Variants in TMEM63A observed in about 807,000 individuals in gnomAD.
TMEM63A encodes mechanosensitive cation channel TMEM63A.
A neutral mutation model predicts 100.6 loss-of-function variants in TMEM63A; 76 were observed. That is an observed-to-expected ratio of 0.76 (90% CI 0.63 to 0.91). The LOEUF is 0.91. Ranked by LOEUF, TMEM63A falls within the 40% of genes least tolerant of loss-of-function variation. TMEM63A has a pLI of 0.00. For synonymous variants in TMEM63A, 401 were observed against 401.1 expected (o/e 1.00, Z 0.00); for missense variants, 876 against 1,008.8 (o/e 0.87, Z 1.78).
At chr1:225,847,371 G>A in intron 23 of TMEM63A, 158 bp from the exon 24 acceptor site, 2 of 823,380 alleles carry the variant, frequency 2.4e-6, no homozygotes, top group Non-Finnish European at 3.7e-6. Context: ...CCGAAAATAT[G>A]ACACCTGCAG....
Position 225,845,689 on chromosome 1 carries a change from C to CAGGG in TMEM63A, c.*1246_*1249dup. On this transcript the variant is annotated 3_prime_UTR_variant, in exon 25 of 25. Transcript: ENST00000366835. ...GCCTGCTGGGGATGAGGCCACTGGC[C>CAGGG]AGGGCTATGCTGCACCAGACCAATG... 1 of 426,838 alleles carries CAGGG rather than the reference C, an allele frequency of 2.3e-6. No homozygotes were observed. Among genetic ancestry groups the CAGGG allele is most frequent in the Admixed American group, 3.6e-5 (1 of 27,764 alleles). 26.4% of individuals were successfully genotyped at this position (426,838 alleles called of 1,614,324 possible).
chr1:225,854,129 C>T (rs575317668), intron 18 of TMEM63A, among the ~76,000 whole-genome samples: 8 of 115,110 alleles, frequency 6.9e-5, no homozygotes, highest in Admixed American at 1.9e-4. Flanking sequence ...GCCTTTCTAA[C>T]GAGGTGATAT....
chr1:225,857,107 G>A, intron 15 of TMEM63A, 90 bp from the exon 16 acceptor site: 2 of 1,108,102 alleles, frequency 1.8e-6, no homozygotes, highest in Non-Finnish European at 1.2e-6. Context: ...TCGCTCAGTG[G>A]ACTCCCAGGG....
downstream of TMEM63A, among the ~76,000 whole-genome samples, chr1:225,841,856 A>G (rs2854452): frequency 0.59 from 89,155 of 151,310 alleles, 27,093 homozygotes; most frequent in African/African-American, 0.73. Context: ...CACCTTTCTC[A>G]CCCTCCCAAA....
intron 8 of TMEM63A, 150 bp from the exon 9 acceptor site, chr1:225,866,832 G>A: frequency 1.4e-6 from 1 of 732,974 alleles, no homozygotes; most frequent in Non-Finnish European, 2.3e-6. Flanking sequence ...TGTGTGGCCA[G>A]CACCCCTCAG....
Position 225,874,185 on chromosome 1 carries a change from T to C in TMEM63A, c.266+103A>G. 2.6e-6 allele frequency: 3 copies of C among 1,155,602 alleles called. No individual in the cohort carries two copies. The East Asian group carries it at 7.2e-5, about 28-fold the overall frequency. 71.6% of individuals were successfully genotyped at this position (1,155,602 alleles called of 1,614,324 possible). A position where few individuals can be genotyped will look rare whatever the true frequency, so the allele number is the denominator to read the frequency against. ...ATTCCAGGGACACACACACACACAC[T>C]ATACACACATATATGCACACACGCA... is the stretch of plus-strand genomic sequence containing the variant. On this transcript the variant is annotated intron_variant, in intron 4 of 24. Coordinates refer to ENST00000366835, the MANE Select transcript of TMEM63A (RefSeq NM_014698.3).
At chr1:225,868,131 T>C in intron 6 of TMEM63A, 101 bp from the exon 7 acceptor site, 1 of 1,421,146 alleles carries the variant, frequency 7.0e-7, no homozygotes, top group Non-Finnish European at 9.6e-7. Context: ...ATGAGATGGT[T>C]CGATCGCTAT....
intron 10 of TMEM63A, chr1:225,864,337 T>G (rs1670094019): frequency 6.6e-6 from 1 of 152,230 alleles, no homozygotes; most frequent in Non-Finnish European, 1.5e-5. Context: ...ATCATGAAAT[T>G]AAACAGTAGG....
At position 225,867,016 on chromosome 1, in the gene TMEM63A, C is replaced by T. The variant is rs897176644; in HGVS notation, c.566+96G>A. The stretch of plus-strand genomic sequence containing the variant: ...CAAGGGGCCTTCAGATACCAGCCGG[C>T]CCCCTTTGGAGTACCTCTGGCCTGC... On this transcript the variant is annotated intron_variant, in intron 8 of 24. Transcript: ENST00000366835. This position sits in a 1 kb window ranked among gnomAD's most constrained non-coding sequence, Gnocchi z 4.6. 143 of 1,300,624 alleles carry T rather than the reference C, an allele frequency of 1.1e-4. 1 individual carries two copies. In the South Asian group the frequency reaches 1.4e-3, roughly 13 times the overall value. 80.6% of individuals were successfully genotyped at this position (1,300,624 alleles called of 1,614,324 possible). A position where few individuals can be genotyped will look rare whatever the true frequency, so the allele number is the denominator to read the frequency against.
intron 6 of TMEM63A, among the ~76,000 whole-genome samples, chr1:225,868,386 A>G (rs1670325792): frequency 6.6e-6 from 1 of 152,028 alleles, no homozygotes; most frequent in African/African-American, 2.4e-5. Flanking sequence ...CATTCAGAAT[A>G]AAGTTAGGGC....
At chr1:225,861,211 G>A (rs1669917333) in intron 13 of TMEM63A, 6 of 418,306 alleles carry the variant, frequency 1.4e-5, no homozygotes, top group Non-Finnish European at 2.5e-5. Context: ...GCAACAAAGG[G>A]AGTACGATTC....
Position 225,865,620 on chromosome 1 carries a change from T to G in TMEM63A, c.746+277A>C. 1 of 385,874 alleles carries G rather than the reference T, an allele frequency of 2.6e-6. No individual in the cohort carries two copies. Among genetic ancestry groups the G allele is most frequent in the Non-Finnish European group, 4.9e-6 (1 of 205,662 alleles). The allele number at this position is 385,874 out of a possible 1,614,324, so 23.9% of individuals were successfully genotyped here. A position where few individuals can be genotyped will look rare whatever the true frequency, so the allele number is the denominator to read the frequency against. On this transcript the variant is annotated intron_variant, in intron 10 of 24. Coordinates refer to ENST00000366835, the MANE Select transcript of TMEM63A (RefSeq NM_014698.3). The surrounding 1 kb of genome is among the most constrained non-coding windows in gnomAD (Gnocchi z 4.6). ...TTTCCCCCGTATGCTCTCAAGACGTTTATTCGCACCTACACCCTGGTCTGT... is the reference window on the plus strand; with the variant it reads ...TTTCCCCCGTATGCTCTCAAGACGTGTATTCGCACCTACACCCTGGTCTGT...
rs777415675 is a variant in TMEM63A, at chr1:225,856,765, G to GCAGT, written c.1485-31_1485-28dup. The GCAGT allele has an allele frequency of 1.0e-5, 16 of 1,607,292 alleles. No homozygotes were observed. The African/African-American group carries it at 2.1e-4, about 22-fold the overall frequency. ...TGCAGGAAGTCAAAGGTGAGCACTC[G>GCAGT]CAGTCCCCCAAATGCTCTATGTGCC... On this transcript the variant is annotated intron_variant, in intron 16 of 24. Transcript: ENST00000366835.
chr1:225,859,220 G>A lies in TMEM63A; in HGVS notation c.1353C>T (p.Val451=), dbSNP rs989815455. ...CATTCAGCGCATGGATGGGTTTGGT[G>A]ACATTAAACTTGTCCATGGTGGACA... ...IILSTMDKFN[V]TKPIHALNNP... is the part of the protein sequence containing the mutation. The change falls in exon 15 of 25, where the codon GTC becomes GTT. Residue 451 remains valine, a synonymous_variant. Coordinates refer to ENST00000366835, the MANE Select transcript of TMEM63A (RefSeq NM_014698.3). 1 of 1,614,108 alleles carries A rather than the reference G, an allele frequency of 6.2e-7. No individual in the cohort carries two copies. The highest frequency in any genetic ancestry group is 1.3e-5 in the African/African-American group (1 of 74,992).
chr1:225,871,008 T>C (rs1670481562), intron 6 of TMEM63A, 68 bp downstream of exon 6: 5 of 1,552,334 alleles, frequency 3.2e-6, no homozygotes, highest in Admixed American at 1.7e-5. Context: ...CTCTTGCCTC[T>C]TGACTGGCCA....
At chr1:225,868,249 T>C (rs528710055) in intron 6 of TMEM63A, among the ~76,000 whole-genome samples, 2 of 152,300 alleles carry the variant, frequency 1.3e-5, no homozygotes, top group South Asian at 4.1e-4. Context: ...CCCTGTACCA[T>C]ACTCGAGGTA....
intron 20 of TMEM63A, among the ~76,000 whole-genome samples, chr1:225,850,670 G>A (rs151195012): frequency 3.2e-4 from 49 of 152,314 alleles, no homozygotes; most frequent in Non-Finnish European, 6.8e-4. Context: ...TCAGGCTGCA[G>A]AGCCCCTTAG....
Position 225,865,942 on chromosome 1 carries a change from C to T in TMEM63A, c.701G>A (p.Gly234Glu). The change falls in exon 10 of 25, where the codon GGA becomes GAA. Residue 234 changes from glycine to glutamate, a missense_variant. Transcript: ENST00000366835. The surrounding 1 kb of genome is among the most constrained non-coding windows in gnomAD (Gnocchi z 4.6). Reference protein sequence around the residue: ...NLVRRTLFITGLPRDARKETV... With the variant: ...NLVRRTLFITELPRDARKETV... ...CTCCTTCCTGGCATCTCTGGGGAGT[C>T]CTGTGATGAACAGGGTCCGCCTCAC... 1 of 1,614,020 alleles carries T rather than the reference C, an allele frequency of 6.2e-7. No individual in the cohort carries two copies. The highest frequency in any genetic ancestry group is 8.5e-7 in the Non-Finnish European group (1 of 1,179,956).
Position 225,867,980 on chromosome 1 carries a change from G to C in TMEM63A, c.422C>G (p.Ser141Cys), listed in dbSNP as rs777379225. The C allele has an allele frequency of 3.1e-6, 5 of 1,614,064 alleles. No homozygotes were observed. The highest frequency in any genetic ancestry group is 1.7e-5 in the Admixed American group (1 of 60,002). ...WCGEDAIHYLSFQRHIIFLLV... is the reference protein window; with the variant it reads ...WCGEDAIHYLCFQRHIIFLLV... ...CAGGAAGATGATGTGCCTCTGGAAG[G>C]ACAGGTAGTGGATGGCGTCCTCCCC... The change falls in exon 7 of 25, where the codon TCC becomes TGC. Residue 141 changes from serine (S) to cysteine (C), a missense_variant. This residue lies in a region of TMEM63A where 487 missense variants were observed against 581.9 expected (regional missense o/e 0.84). Coordinates refer to ENST00000366835, the MANE Select transcript of TMEM63A (RefSeq NM_014698.3). This position sits in a 1 kb window ranked among gnomAD's most constrained non-coding sequence, Gnocchi z 4.6.
Sources: gnomAD v4.1 joint callset for allele counts (sites outside exome capture counted in the v4.1 genomes callset) on GRCh38, gnomAD v4.1.1 for gene constraint, gnomAD v4.1.1 regional missense constraint, Gnocchi (gnomAD v3.1) non-coding constraint, MANE v1.5 for transcripts, NCBI Gene and HGNC (gene_info 2026-07-23, HGNC 2026-07-21) for gene names.